The following COL27A1 variants were observed in gnomAD, a reference collection of about 807,000 sequenced individuals.
COL27A1 encodes collagen type XXVII alpha 1 chain, also known as collagen alpha-1(XXVII) chain.
COL27A1 carries 106 observed loss-of-function variants against 251.3 expected under a neutral mutation model. The observed-to-expected ratio is 0.42, with a 90% CI of 0.36 to 0.50. The LOEUF (loss-of-function observed/expected upper bound fraction) is 0.50. Ranked by LOEUF, COL27A1 falls within the 20% of genes least tolerant of loss-of-function variation. The probability of loss-of-function intolerance (pLI) is 0.00; values close to 1 mark genes in which losing one functional copy is unlikely to be tolerated. For synonymous variants in COL27A1, 1,000 were observed against 986.3 expected (o/e 1.01, Z -0.26); for missense variants, 2,325 against 2,522.8 (o/e 0.92, Z 1.68).
intron 51 of COL27A1, 122 bp from the exon 52 acceptor site, chr9:114,300,950 G>A (rs1828578900): frequency 1.0e-6 from 1 of 990,056 alleles, no homozygotes; most frequent in Non-Finnish European, 1.5e-6. Flanking sequence ...CATGGCCTGG[G>A]CCCGCTTCAG....
intron 13 of COL27A1, among the ~76,000 whole-genome samples, 189 bp downstream of exon 13, chr9:114,220,033 C>T (rs917259794): frequency 3.9e-5 from 6 of 152,230 alleles, no homozygotes; most frequent in African/African-American, 1.2e-4. Flanking sequence ...GCGGCTGCAC[C>T]GTCGCCCCCC....
At chr9:114,237,824 T>C (rs1283695529) in intron 19 of COL27A1, 109 bp downstream of exon 19, 6 of 845,656 alleles carry the variant, frequency 7.1e-6, no homozygotes, top group Non-Finnish European at 1.2e-5. Flanking sequence ...TCACACAGGA[T>C]ATGAGAGATG....
At chr9:114,260,591 CTA>C in intron 28 of COL27A1, among the ~76,000 whole-genome samples, 1 of 152,152 alleles carries the variant, frequency 6.6e-6, no homozygotes, top group Admixed American at 6.5e-5. Flanking sequence ...GCTTTCCTGC[CTA>C]TGTGTAGGAC....
chr9:114,182,974 C>A lies in COL27A1; in HGVS notation c.1963-48C>A. On this transcript the variant is annotated intron_variant, in intron 4 of 60. Coordinates refer to ENST00000356083, the MANE Select transcript of COL27A1 (RefSeq NM_032888.4). ...GCATTGCTGTCAGAGGCGAGATGGC[C>A]CCTGTTTTTTGTCACCTTTTTTTGT... 2 of 1,539,024 alleles carry A rather than the reference C, an allele frequency of 1.3e-6. 1 individual carries two copies. Among genetic ancestry groups the A allele is most frequent in the South Asian group, 2.2e-5 (2 of 88,926 alleles).
intron 24 of COL27A1, among the ~76,000 whole-genome samples, chr9:114,248,034 T>G (rs568023167): frequency 1.3e-5 from 2 of 152,330 alleles, no homozygotes; most frequent in South Asian, 4.1e-4. Context: ...CTGTCCTCAT[T>G]TTGCAAATGA....
chr9:114,268,959 TAGAACAGTAC>T (rs1448838456), intron 34 of COL27A1: 3 of 355,278 alleles, frequency 8.4e-6, no homozygotes, highest in Non-Finnish European at 5.0e-6. Context: ...AAAAAGTCCT[TAGAACAGTAC>T]AGAACAGTAC....
intron 57 of COL27A1, chr9:114,306,124 G>A (rs1465342776): frequency 1.2e-5 from 2 of 171,568 alleles, no homozygotes; most frequent in African/African-American, 4.8e-5. Flanking sequence ...CACCCTAGGG[G>A]AGCCCAGTGG....
intron 4 of COL27A1, among the ~76,000 whole-genome samples, 167 bp from the exon 5 acceptor site, chr9:114,182,855 G>A (rs936735620): frequency 1.3e-5 from 2 of 152,216 alleles, no homozygotes; most frequent in Non-Finnish European, 2.9e-5. Context: ...GGCATGGAGG[G>A]TGTACTCCCA....
chr9:114,156,701 C>T (rs1253318835), intron 1 of COL27A1, among the ~76,000 whole-genome samples: 2 of 152,040 alleles, frequency 1.3e-5, no homozygotes, highest in Non-Finnish European at 2.9e-5. Flanking sequence ...GTGTACAGAT[C>T]GGGAGACAGG....
At chr9:114,260,024 G>T (rs1370497043) in intron 28 of COL27A1, among the ~76,000 whole-genome samples, 1 of 151,854 alleles carries the variant, frequency 6.6e-6, no homozygotes, top group South Asian at 2.1e-4. Context: ...AATGGGCCTT[G>T]GGCCAAGGGC....
intron 50 of COL27A1, 81 bp from the exon 51 acceptor site, chr9:114,300,544 G>A: frequency 8.4e-7 from 1 of 1,184,202 alleles, no homozygotes. Flanking sequence ...AAGGTTGACA[G>A]ACCCCAGGGG....
At chr9:114,282,378 C>A in intron 38 of COL27A1, 48 bp downstream of exon 38, 1 of 1,608,600 alleles carries the variant, frequency 6.2e-7, no homozygotes, top group Non-Finnish European at 8.5e-7. Flanking sequence ...TCCCCCGCAT[C>A]CCTTCCCCAC....
intron 37 of COL27A1, among the ~76,000 whole-genome samples, chr9:114,276,522 T>A (rs1238638998): frequency 1.3e-5 from 2 of 152,172 alleles, no homozygotes; most frequent in Non-Finnish European, 2.9e-5. Context: ...GGAGAATCAC[T>A]TGAACCTGGG....
Position 114,231,074 on chromosome 9 carries a change from C to T in COL27A1, c.2467-5C>T, listed in dbSNP as rs770121086. 49 of 1,612,198 alleles carry T rather than the reference C, an allele frequency of 3.0e-5. No homozygotes were observed. Among genetic ancestry groups the T allele is most frequent in the Non-Finnish European group, 4.0e-5 (47 of 1,179,064 alleles). ...CAGCACCCTCTTCTCTTTCTCTCCC[C>T]ACAGGGTGACTTAGGAGTGTTGGGT... On this transcript the variant is annotated splice_polypyrimidine_tract_variant and splice_region_variant and intron_variant, in intron 14 of 60. Coordinates refer to ENST00000356083, the MANE Select transcript of COL27A1 (RefSeq NM_032888.4).
At chr9:114,206,105 G>A in intron 9 of COL27A1, 147 bp from the exon 10 acceptor site, 1 of 793,936 alleles carries the variant, frequency 1.3e-6, no homozygotes, top group Non-Finnish European at 2.1e-6. Flanking sequence ...TAGGGCTGTG[G>A]GGGTCAGGCC....
At chr9:114,235,195 G>A (rs569316401) in intron 16 of COL27A1, among the ~76,000 whole-genome samples, 32 of 152,168 alleles carry the variant, frequency 2.1e-4, no homozygotes, top group African/African-American at 7.0e-4. Flanking sequence ...CAAACGCTCC[G>A]AAACCACGTT....
intron 28 of COL27A1, among the ~76,000 whole-genome samples, chr9:114,262,724 A>G (rs1834433568): frequency 6.6e-6 from 1 of 152,160 alleles, no homozygotes; most frequent in South Asian, 2.1e-4. Flanking sequence ...GGACCCCACA[A>G]TGGGCACCAG....
At chr9:114,273,375 G>A (rs1397998706) in intron 36 of COL27A1, 1 of 152,244 alleles carries the variant, frequency 6.6e-6, no homozygotes, top group Non-Finnish European at 1.5e-5. Flanking sequence ...ATTGGCCCAC[G>A]CCTCAGCTCG....
intron 23 of COL27A1, 112 bp from the exon 24 acceptor site, chr9:114,245,754 C>A: frequency 1.0e-6 from 1 of 975,586 alleles, no homozygotes; most frequent in Non-Finnish European, 1.7e-6. Flanking sequence ...GAGATAAGAT[C>A]CCTGGTTCAT....
Sources: allele counts gnomAD v4.1 joint callset (sites outside exome capture counted in the v4.1 genomes callset), GRCh38; gene constraint gnomAD v4.1.1; transcripts MANE v1.5; gene names NCBI Gene and HGNC (gene_info 2026-07-23, HGNC 2026-07-21).